The following FLNC variants were observed in gnomAD, a reference collection of about 807,000 sequenced individuals.
The protein encoded by FLNC is filamin-C.
In FLNC, 91 loss-of-function variants were observed where a neutral mutation model predicts 254.3. That is an observed-to-expected ratio of 0.36 (90% CI 0.30 to 0.43). FLNC has a LOEUF of 0.43. FLNC is among the 20% of genes least tolerant of loss of function. The pLI is 1.00. For missense variants in FLNC, 2,853 were observed against 3,802.6 expected (o/e 0.75, Z 6.57); for synonymous variants, 1,430 against 1,577.2 (o/e 0.91, Z 2.21).
At chr7:128,843,366 G>A (rs1808421046) in intron 17 of FLNC, 42 bp from the exon 18 acceptor site, 1 of 1,613,158 alleles carries the variant, frequency 6.2e-7, no homozygotes. Context: ...TTGGGGTTAG[G>A]TGGCTGCCAG....
chr7:128,834,692 G>C (rs1808029986), intron 1 of FLNC, among the ~76,000 whole-genome samples: 1 of 151,998 alleles, frequency 6.6e-6, no homozygotes, highest in Non-Finnish European at 1.5e-5. Flanking sequence ...CAAAAAAAAA[G>C]AGAGTATATA....
rs370589662 is a variant in FLNC at position 128,854,191 on chromosome 7, C to G, written c.6702C>G (p.Phe2234Leu). ...DFLGRERLGS[F>L]GSITRQQEGE... ...TGGGCCGGGAGCGCCTGGGATCCTT[C>G]GGCAGCATCACCCGGCAGCAGGAGG... The change falls in exon 40 of 48, where the codon TTC becomes TTG. Residue 2234 changes from phenylalanine (F) to leucine (L), a missense_variant. This residue lies in a region of FLNC where 551 missense variants were observed against 835.0 expected (regional missense o/e 0.66). Transcript: ENST00000325888. 1.4e-5 allele frequency: 23 copies of G among 1,607,852 alleles called. No homozygotes were observed. The highest frequency in any genetic ancestry group is 2.0e-5 in the Non-Finnish European group (23 of 1,177,476).
Position 128,855,107 on chromosome 7 carries a change from C to T in FLNC, c.7136-92C>T, listed in dbSNP as rs1421365007. ...TGCCTCCAGATCTGAGCGCTGACCA[C>T]AGAGCCTTTCCTGGGATAAGGCCAG... On this transcript the variant is annotated intron_variant, in intron 42 of 47. Transcript: ENST00000325888. The T allele has an allele frequency of 5.4e-6, 6 of 1,107,366 alleles. No homozygotes were observed. In the African/African-American group the frequency reaches 6.1e-5, roughly 11 times the overall value. 68.6% of individuals were successfully genotyped at this position (1,107,366 alleles called of 1,614,324 possible).
chr7:128,839,677 G>C (rs1808248265), intron 8 of FLNC, among the ~76,000 whole-genome samples: 2 of 152,262 alleles, frequency 1.3e-5, no homozygotes, highest in Admixed American at 1.3e-4. Flanking sequence ...TAGATCCTAA[G>C]GTTGCTTTGG....
chr7:128,841,049 G>T lies in FLNC; in HGVS notation c.1813+79G>T. Reference sequence around the variant, plus strand: ...ACACTGTGGGTAATGGGTGCAGTGCGCATGCTGGGGAGCGCTGGGGTGAGC... The same window carrying T: ...ACACTGTGGGTAATGGGTGCAGTGCTCATGCTGGGGAGCGCTGGGGTGAGC... On this transcript the variant is annotated intron_variant, in intron 11 of 47. Coordinates refer to ENST00000325888, the MANE Select transcript of FLNC (RefSeq NM_001458.5). The surrounding 1 kb of genome is among the most constrained non-coding windows in gnomAD (Gnocchi z 4.3). 6.4e-7 allele frequency: 1 copy of T among 1,559,550 alleles called. No homozygotes were observed.
At chr7:128,855,178 C>A in intron 42 of FLNC, 21 bp from the exon 43 acceptor site, 1 of 1,532,460 alleles carries the variant, frequency 6.5e-7, no homozygotes, top group Non-Finnish European at 9.0e-7. Flanking sequence ...GGAACCTGTG[C>A]TGACTGGTCT....
chr7:128,848,684 C>G lies in FLNC; in HGVS notation c.4704C>G (p.Asp1568Glu). ...TGGAGTTCACCATCGACGCACGGGA[C>G]GCGGGCGAGGGGTTGCTCACTGTCC... Reference protein sequence around the residue: ...LPVEFTIDARDAGEGLLTVQI... With the variant: ...LPVEFTIDAREAGEGLLTVQI... Residue 1568 changes from aspartate (D) to glutamate (E), a missense_variant, in exon 27 of 48, where the codon GAC becomes GAG. By Grantham distance (45) the Asp-to-Glu change is conservative. Coordinates refer to ENST00000325888, the MANE Select transcript of FLNC (RefSeq NM_001458.5). The G allele has an allele frequency of 6.2e-7, 1 of 1,613,416 alleles. No homozygotes were observed.
Position 128,843,788 on chromosome 7 carries a change from C to T in FLNC, c.2812-8C>T, listed in dbSNP as rs748651461. 3.7e-6 allele frequency: 6 copies of T among 1,612,452 alleles called. No homozygotes were observed. Among genetic ancestry groups the T allele is most frequent in the South Asian group, 1.1e-5 (1 of 91,048 alleles). Reference sequence around the variant, plus strand: ...TATCCAGTTCTGACCTACCATTGTACCCAACAGGGCAACATGGCAGTGACA... The same window carrying T: ...TATCCAGTTCTGACCTACCATTGTATCCAACAGGGCAACATGGCAGTGACA... On this transcript the variant is annotated splice_polypyrimidine_tract_variant and splice_region_variant and intron_variant, in intron 18 of 47. Coordinates refer to ENST00000325888, the MANE Select transcript of FLNC (RefSeq NM_001458.5).
At position 128,841,622 on chromosome 7, in the gene FLNC, AGGCAG is replaced by A. The variant is rs1435204683; in HGVS notation, c.2121+59_2121+63del. 1 of 1,356,442 alleles carries A rather than the reference AGGCAG, an allele frequency of 7.4e-7. No individual in the cohort carries two copies. The highest frequency in any genetic ancestry group is 1.1e-6 in the Non-Finnish European group (1 of 945,222). The allele number at this position is 1,356,442 out of a possible 1,614,324, so 84.0% of individuals were successfully genotyped here. Reference sequence around the variant, plus strand: ...TACTACCCATGGCAGGGACCCTGGAAGGCAGGGCCAGGCCAGAGGCAGAGGCCTCC... The same window carrying A: ...TACTACCCATGGCAGGGACCCTGGAAGGCCAGGCCAGAGGCAGAGGCCTCC... On this transcript the variant is annotated intron_variant, in intron 13 of 47. Transcript: ENST00000325888. The surrounding 1 kb of genome is among the most constrained non-coding windows in gnomAD (Gnocchi z 4.3).
chr7:128,840,494 G>A, intron 9 of FLNC, 54 bp from the exon 10 acceptor site: 1 of 1,612,948 alleles, frequency 6.2e-7, no homozygotes, highest in East Asian at 2.2e-5. Flanking sequence ...TGAGGAGCTG[G>A]GACTTCAAGG....
Position 128,842,127 on chromosome 7 carries a change from G to T in FLNC, c.2122-104G>T. 1 of 1,204,864 alleles carries T rather than the reference G, an allele frequency of 8.3e-7. No homozygotes were observed. The highest frequency in any genetic ancestry group is 2.0e-5 in the Admixed American group (1 of 50,320). 74.6% of individuals were successfully genotyped at this position (1,204,864 alleles called of 1,614,324 possible). ...CAGTGGCTGGTGTGGGGGCGGGAGT[G>T]CCAGTGTTGGGGGTGGGAAAGGAGG... On this transcript the variant is annotated intron_variant, in intron 13 of 47. Coordinates refer to ENST00000325888, the MANE Select transcript of FLNC (RefSeq NM_001458.5). This position sits in a 1 kb window ranked among gnomAD's most constrained non-coding sequence, Gnocchi z 5.4.
chr7:128,832,972 C>G (rs79504514), intron 1 of FLNC, among the ~76,000 whole-genome samples: 6,507 of 152,258 alleles, frequency 0.043, 166 homozygotes, highest in South Asian at 0.061. Flanking sequence ...GTCTCAGCAC[C>G]GAAATCGAGC....
In FLNC at chr7:128,838,050, G is replaced by T. The variant is rs775285376; in HGVS notation, c.1033G>T (p.Ala345Ser). 4.3e-6 allele frequency: 7 copies of T among 1,613,488 alleles called. No individual in the cohort carries two copies. The highest frequency in any genetic ancestry group is 1.1e-5 in the South Asian group (1 of 91,082). Reference protein sequence around the residue: ...TYAVSYVPKVAGLHKVTVLFA... With the variant: ...TYAVSYVPKVSGLHKVTVLFA... ...TGCTGTCTCCTATGTGCCCAAGGTC[G>T]CTGGGTTACACAAGGTATCTCCCTC... The change falls in exon 6 of 48, where the codon GCT becomes TCT. Residue 345 changes from alanine (A) to serine (S), a missense_variant. By Grantham distance (99) the Ala-to-Ser change is moderately conservative. Coordinates refer to ENST00000325888, the MANE Select transcript of FLNC (RefSeq NM_001458.5).
intron 37 of FLNC, 77 bp downstream of exon 37, chr7:128,853,108 C>A (rs999322381): frequency 2.2e-6 from 3 of 1,391,850 alleles, no homozygotes; most frequent in East Asian, 4.7e-5. Context: ...CCCAGCACCC[C>A]CTTGGCCGCA....
intron 35 of FLNC, 83 bp from the exon 36 acceptor site, chr7:128,852,508 G>A: frequency 6.6e-7 from 1 of 1,521,422 alleles, no homozygotes; most frequent in Non-Finnish European, 9.1e-7. Context: ...TCCAGGGGGG[G>A]CTGCTCAGGA....
intron 22 of FLNC, 54 bp downstream of exon 22, chr7:128,846,217 G>GGGCAAGT: frequency 3.1e-6 from 5 of 1,612,546 alleles, no homozygotes; most frequent in East Asian, 2.2e-5. Flanking sequence ...GGGCAGGGCC[G>GGGCAAGT]GGATCTGATG....
Position 128,845,985 on chromosome 7 carries a change from T to G in FLNC, c.3791-5T>G. 1 of 1,613,534 alleles carries G rather than the reference T, an allele frequency of 6.2e-7. No individual in the cohort carries two copies. The highest frequency in any genetic ancestry group is 8.5e-7 in the Non-Finnish European group (1 of 1,179,944). ...CCTGCTGAACACGCCACCCCTGGGC[T>G]CCAGGTGTCCTGCGGGAGGTGACCA... On this transcript the variant is annotated splice_polypyrimidine_tract_variant and splice_region_variant and intron_variant, in intron 21 of 47. Coordinates refer to ENST00000325888, the MANE Select transcript of FLNC (RefSeq NM_001458.5).
intron 1 of FLNC, 121 bp downstream of exon 1, chr7:128,831,110 A>G (rs908816407): frequency 1.1e-6 from 1 of 891,124 alleles, no homozygotes; most frequent in Non-Finnish European, 1.7e-6. Flanking sequence ...ACCCCCCGGT[A>G]TAGAGAGAAG....
rs369153392 is a variant in FLNC, at chr7:128,842,572, C to T, written c.2266-3C>T. 8.5e-5 allele frequency: 131 copies of T among 1,549,178 alleles called. No homozygotes were observed. The African/African-American group carries it at 1.4e-3, about 17-fold the overall frequency. On this transcript the variant is annotated splice_region_variant and splice_polypyrimidine_tract_variant and intron_variant, in intron 14 of 47. Transcript: ENST00000325888. The surrounding 1 kb of genome is among the most constrained non-coding windows in gnomAD (Gnocchi z 5.4). ...CCACGCTGAGCTGCGACCCCTCCCG[C>T]AGGTGAACGTGGGCGAGGGCAGCCA...
Sources: allele counts gnomAD v4.1 joint callset (sites outside exome capture counted in the v4.1 genomes callset), GRCh38; gene constraint gnomAD v4.1.1; regional missense constraint gnomAD v4.1.1; non-coding constraint Gnocchi (gnomAD v3.1); transcripts MANE v1.5; gene names NCBI Gene and HGNC (gene_info 2026-07-23, HGNC 2026-07-21).